EPB41L3: variants seen among roughly 807,000 people sequenced by gnomAD.
EPB41L3 encodes the protein erythrocyte membrane protein band 4.1 like 3.
In EPB41L3, 57 loss-of-function variants were observed where a neutral mutation model predicts 127.1. That is an observed-to-expected ratio of 0.45 (90% CI 0.36 to 0.56). EPB41L3 has a LOEUF of 0.56. Among genes scored for constraint, EPB41L3 ranks in the 20% least tolerant of loss-of-function variants. EPB41L3 has a pLI of 0.00. For missense variants in EPB41L3, 1,273 were observed against 1,372.2 expected, an observed-to-expected ratio of 0.93 and a Z score of 1.14; for synonymous variants, 572 against 549.5, an observed-to-expected ratio of 1.04 and a Z score of -0.57.
chr18:5,593,993 T>C (rs1323238622), intron 3 of EPB41L3, among the ~76,000 whole-genome samples: 1 of 152,190 alleles, frequency 6.6e-6, no homozygotes, highest in Admixed American at 6.5e-5. Context: ...ACACACATGC[T>C]CTACAATTTG....
chr18:5,463,129 C>T (rs1338151508), intron 3 of EPB41L3, among the ~76,000 whole-genome samples: 1 of 152,166 alleles, frequency 6.6e-6, no homozygotes, highest in Non-Finnish European at 1.5e-5. Context: ...TTGCCAATTG[C>T]CTTGGTTCTG....
At chr18:5,395,833 G>T in intron 19 of EPB41L3, 126 bp from the exon 20 acceptor site, 2 of 737,840 alleles carry the variant, frequency 2.7e-6, no homozygotes, top group South Asian at 1.7e-5. Context: ...ATGCTCTTCA[G>T]AGTCTGAGCG....
At chr18:5,593,322 G>A (rs1285826587) in intron 3 of EPB41L3, among the ~76,000 whole-genome samples, 1 of 151,980 alleles carries the variant, frequency 6.6e-6, no homozygotes, top group East Asian at 1.9e-4. Flanking sequence ...AAGGGAGAGA[G>A]TACAAAAGAG....
chr18:5,541,448 A>G (rs2093728087), intron 1 of EPB41L3, among the ~76,000 whole-genome samples: 1 of 152,112 alleles, frequency 6.6e-6, no homozygotes, highest in Non-Finnish European at 1.5e-5. Flanking sequence ...GGAAGAAAAT[A>G]CTTTTACAGC....
At chr18:5,464,106 T>A (rs1305822775) in intron 3 of EPB41L3, among the ~76,000 whole-genome samples, 1 of 152,152 alleles carries the variant, frequency 6.6e-6, no homozygotes, top group Non-Finnish European at 1.5e-5. Flanking sequence ...CATCTCTTCA[T>A]CTGCCCCAAC....
At chr18:5,592,794 A>G (rs1254871725) in intron 3 of EPB41L3, among the ~76,000 whole-genome samples, 1 of 152,206 alleles carries the variant, frequency 6.6e-6, no homozygotes, top group African/African-American at 2.4e-5. Flanking sequence ...ACTGTGCATC[A>G]TCTTAGGGAC....
chr18:5,608,704 T>C (rs989950346), intron 3 of EPB41L3, among the ~76,000 whole-genome samples: 2 of 152,080 alleles, frequency 1.3e-5, no homozygotes, highest in Non-Finnish European at 2.9e-5. Context: ...TCAGGGTAAA[T>C]ATCCAGGTAC....
At position 5,490,323 on chromosome 18, in the gene EPB41L3, G is replaced by A. The variant is rs148408115; in HGVS notation, c.-11-1129C>T. The stretch of plus-strand genomic sequence containing the variant: ...GTAAAAGTATGAGCAAAGGACTAGT[G>A]TAGTGCTTTAGGCAAATTATATAAT... On this transcript the variant is annotated intron_variant, in intron 1 of 22. Transcript: ENST00000341928. 1.7e-3 allele frequency among the ~76,000 whole-genome samples: 252 copies of A among 152,270 alleles called. 1 individual carries two copies. The highest frequency in any genetic ancestry group is 0.01 in the Middle Eastern group (3 of 294).
At chr18:5,557,979 C>T (rs749852142) in intron 3 of EPB41L3, among the ~76,000 whole-genome samples, 111 of 152,198 alleles carry the variant, frequency 7.3e-4, no homozygotes, top group Non-Finnish European at 1.1e-3. Flanking sequence ...GTAGTTCCAA[C>T]AAGATTTTGA....
chr18:5,599,129 T>G (rs2094564686), intron 3 of EPB41L3, among the ~76,000 whole-genome samples: 1 of 152,152 alleles, frequency 6.6e-6, no homozygotes, highest in Admixed American at 6.6e-5. Context: ...GATAAATCAT[T>G]TGATTTTTCC....
intron 8 of EPB41L3, among the ~76,000 whole-genome samples, chr18:5,432,705 T>C (rs1338316728): frequency 6.6e-6 from 1 of 152,174 alleles, no homozygotes; most frequent in Admixed American, 6.5e-5. Flanking sequence ...AGCTGCTCTG[T>C]GTATCCTCAC....
intron 2 of EPB41L3, chr18:5,488,716 G>GT (rs2090198244): frequency 2.8e-6 from 1 of 362,204 alleles, no homozygotes. Flanking sequence ...AAAGCTCTCA[G>GT]TTTGGTGTCT....
chr18:5,462,192 T>C (rs1053760164), intron 3 of EPB41L3, among the ~76,000 whole-genome samples: 1 of 152,248 alleles, frequency 6.6e-6, no homozygotes, highest in Non-Finnish European at 1.5e-5. Flanking sequence ...AAGCTACTTC[T>C]AATATTCATC....
intron 16 of EPB41L3, among the ~76,000 whole-genome samples, chr18:5,402,118 C>G (rs1221938829): frequency 1.3e-5 from 2 of 151,192 alleles, no homozygotes; most frequent in Non-Finnish European, 3.0e-5. Context: ...TTGATAGTAT[C>G]ATTCTCAAAT....
intron 16 of EPB41L3, among the ~76,000 whole-genome samples, chr18:5,405,673 T>G (rs2075257485): frequency 6.6e-6 from 1 of 151,936 alleles, no homozygotes; most frequent in African/African-American, 2.4e-5. Context: ...CTGCTTGTAG[T>G]CCCAGCTACC....
intron 3 of EPB41L3, among the ~76,000 whole-genome samples, chr18:5,601,018 C>T (rs574085681): frequency 2.0e-5 from 3 of 152,234 alleles, no homozygotes; most frequent in African/African-American, 7.2e-5. Context: ...CAAACAACAA[C>T]AACAGCTCTT....
At chr18:5,531,865 G>A (rs1195558619) in intron 1 of EPB41L3, among the ~76,000 whole-genome samples, 1 of 152,124 alleles carries the variant, frequency 6.6e-6, no homozygotes, top group East Asian at 1.9e-4. Context: ...GAGTCCACAT[G>A]TCAGTGGAGC....
chr18:5,423,650 G>T, intron 10 of EPB41L3, 97 bp from the exon 11 acceptor site: 4 of 1,126,050 alleles, frequency 3.6e-6, no homozygotes, highest in Non-Finnish European at 3.7e-6. Flanking sequence ...TGTTTTGCAT[G>T]CTAAACATTT....
At chr18:5,510,077 T>A (rs1390927456) in intron 1 of EPB41L3, among the ~76,000 whole-genome samples, 16 of 152,224 alleles carry the variant, frequency 1.1e-4, no homozygotes. Context: ...AAAGAGCTTT[T>A]CATTTGAAGA....
Sources: allele counts gnomAD v4.1 joint callset (sites outside exome capture counted in the v4.1 genomes callset), GRCh38; gene constraint gnomAD v4.1.1; transcripts MANE v1.5; gene names NCBI Gene and HGNC (gene_info 2026-07-23, HGNC 2026-07-21).